Variants in LIPN observed in about 807,000 individuals in gnomAD.
LIPN encodes lipase family member N, also known as lipase member N.
LIPN carries 32 observed loss-of-function variants against 43.7 expected under a neutral mutation model. The ratio of observed to expected loss-of-function variants is 0.73; its 90% CI spans 0.55 to 0.98. The LOEUF is 0.98. LIPN is among the 50% of genes least tolerant of loss of function. The pLI, the probability that LIPN is intolerant of heterozygous loss-of-function variation, is 0.00. For synonymous variants in LIPN, 156 were observed against 157.6 expected (o/e 0.99, Z 0.08); for missense variants, 505 against 483.8 (o/e 1.04, Z -0.41).
chr10:88,768,055 CACACACAT>C (rs765422535), intron 5 of LIPN, among the ~76,000 whole-genome samples: 2,467 of 144,252 alleles, frequency 0.017, 32 homozygotes, highest in South Asian at 0.072. Flanking sequence ...CACACACACA[CACACACAT>C]GCCAGTGGAG....
At chr10:88,776,572 A>T (rs573291651) in intron 9 of LIPN, among the ~76,000 whole-genome samples, 1 of 152,208 alleles carries the variant, frequency 6.6e-6, no homozygotes, top group South Asian at 2.1e-4. Context: ...TCTCCAAAAA[A>T]CTAGTCTCAA....
At chr10:88,764,714 C>A in intron 4 of LIPN, 106 bp downstream of exon 4, 2 of 737,606 alleles carry the variant, frequency 2.7e-6, no homozygotes, top group East Asian at 2.9e-5. Flanking sequence ...CATATAGCTC[C>A]TTGTAGTTTC....
intron 5 of LIPN, among the ~76,000 whole-genome samples, chr10:88,767,287 A>G (rs373450987): frequency 4.6e-5 from 7 of 152,002 alleles, no homozygotes; most frequent in South Asian, 4.1e-4. Flanking sequence ...ACAGGCAGTT[A>G]GCATCAGTCA....
At chr10:88,759,310 C>T (rs1842964414), upstream of LIPN, among the ~76,000 whole-genome samples, 1 of 152,126 alleles carries the variant, frequency 6.6e-6, no homozygotes, top group Non-Finnish European at 1.5e-5. Flanking sequence ...CTTCTTCATG[C>T]TGGGAGATGA....
Position 88,778,273 on chromosome 10 carries a change from T to A in LIPN, c.*31T>A, listed in dbSNP as rs771130535. The A allele has an allele frequency of 6.6e-7, 1 of 1,518,930 alleles. No individual in the cohort carries two copies. 94.1% of individuals were successfully genotyped at this position (1,518,930 alleles called of 1,614,324 possible). A position where few individuals can be genotyped will look rare whatever the true frequency, so the allele number is the denominator to read the frequency against. On this transcript the variant is annotated 3_prime_UTR_variant, in exon 10 of 10. Coordinates refer to ENST00000404459, the MANE Select transcript of LIPN (RefSeq NM_001102469.2). The stretch of plus-strand genomic sequence containing the variant: ...ATGCATTTACTTTTCAATTAAAAGT[T>A]GCTTCCAAGCCCATAAGGGACTTTA...
intron 7 of LIPN, among the ~76,000 whole-genome samples, chr10:88,773,772 T>C (rs1227898090): frequency 6.6e-6 from 1 of 151,992 alleles, no homozygotes; most frequent in African/African-American, 2.4e-5. Context: ...GAACCATTGT[T>C]CAAAGTTGGC....
intron 7 of LIPN, among the ~76,000 whole-genome samples, chr10:88,774,130 G>C (rs777372218): frequency 6.6e-5 from 10 of 151,982 alleles, no homozygotes; most frequent in Non-Finnish European, 1.3e-4. Flanking sequence ...CAGTGCACCT[G>C]GGTGCGCATG....
At chr10:88,777,584 A>T (rs1325067135) in intron 9 of LIPN, among the ~76,000 whole-genome samples, 1 of 151,456 alleles carries the variant, frequency 6.6e-6, no homozygotes, top group Non-Finnish European at 1.5e-5. Context: ...ATATCCTATC[A>T]TATTCCTTTA....
upstream of LIPN, among the ~76,000 whole-genome samples, chr10:88,759,858 T>C (rs540821950): frequency 2.0e-5 from 3 of 152,250 alleles, no homozygotes; most frequent in South Asian, 6.2e-4. Flanking sequence ...CTGGTTATTT[T>C]GCATCATGTA....
Position 88,775,155 on chromosome 10 carries a change from T to C in LIPN, c.955T>C (p.Tyr319His). 6.5e-7 allele frequency: 1 copy of C among 1,541,664 alleles called. No individual in the cohort carries two copies. Among genetic ancestry groups the C allele is most frequent in the Non-Finnish European group, 8.8e-7 (1 of 1,139,538 alleles). Reference sequence around the variant, plus strand: ...AAATGACGCTGATAATATGAAACATTACAATCAGGTGAGCTATTTACAGTA... The same window carrying C: ...AAATGACGCTGATAATATGAAACATCACAATCAGGTGAGCTATTTACAGTA... ...WGNDADNMKH[Y>H]NQSHPPIYDL... Residue 319 changes from tyrosine to histidine, a missense_variant, in exon 9 of 10, where the codon TAC becomes CAC. Physicochemically the swap from Tyr to His is moderately conservative, Grantham distance 83 (BLOSUM62 2). Coordinates refer to ENST00000404459, the MANE Select transcript of LIPN (RefSeq NM_001102469.2).
At chr10:88,771,779 A>G (rs975214525) in intron 7 of LIPN, among the ~76,000 whole-genome samples, 2 of 151,522 alleles carry the variant, frequency 1.3e-5, no homozygotes, top group African/African-American at 2.4e-5. Context: ...TAGCACTGGA[A>G]TTGCTGGATC....
chr10:88,758,509 CAT>C (rs1399985122), upstream of LIPN, among the ~76,000 whole-genome samples: 1 of 148,678 alleles, frequency 6.7e-6, no homozygotes, highest in Non-Finnish European at 1.5e-5. Context: ...AATATTGTAA[CAT>C]TATATATTTT....
chr10:88,778,233 A>G lies in LIPN; in HGVS notation c.1188A>G (p.Ala396=). The change falls in exon 10 of 10, where the codon GCA becomes GCG. Residue 396 remains alanine, a synonymous_variant. Coordinates refer to ENST00000404459, the MANE Select transcript of LIPN (RefSeq NM_001102469.2). ...GTGAAATCATAGCTTTAATGAAGGCATATTCCTAAATGCAATGCATTTACT... is the reference window on the plus strand; with the variant it reads ...GTGAAATCATAGCTTTAATGAAGGCGTATTCCTAAATGCAATGCATTTACT... ...MYSEIIALMK[A]YS 3.1e-6 allele frequency: 5 copies of G among 1,603,304 alleles called. No individual in the cohort carries two copies. The highest frequency in any genetic ancestry group is 4.3e-6 in the Non-Finnish European group (5 of 1,173,784).
At chr10:88,770,060 T>A (rs866345652) in intron 6 of LIPN, among the ~76,000 whole-genome samples, 6 of 151,844 alleles carry the variant, frequency 4.0e-5, no homozygotes, top group African/African-American at 4.8e-5. Flanking sequence ...TGTTCCTGGG[T>A]TATCTCAGTT....
Position 88,778,267 on chromosome 10 carries a change from A to T in LIPN, c.*25A>T, listed in dbSNP as rs1843330360. 1 of 1,544,672 alleles carries T rather than the reference A, an allele frequency of 6.5e-7. No homozygotes were observed. The highest frequency in any genetic ancestry group is 1.4e-5 in the African/African-American group (1 of 73,342). On this transcript the variant is annotated 3_prime_UTR_variant, in exon 10 of 10. Coordinates refer to ENST00000404459, the MANE Select transcript of LIPN (RefSeq NM_001102469.2). ...AATGCAATGCATTTACTTTTCAATT[A>T]AAAGTTGCTTCCAAGCCCATAAGGG...
At chr10:88,772,539 C>A (rs937761175) in intron 7 of LIPN, among the ~76,000 whole-genome samples, 2 of 151,720 alleles carry the variant, frequency 1.3e-5, no homozygotes, top group African/African-American at 4.8e-5. Context: ...GTTCTTGATG[C>A]CTTTGTTGAA....
chr10:88,774,955 T>G, intron 8 of LIPN, 137 bp from the exon 9 acceptor site: 1 of 610,922 alleles, frequency 1.6e-6, no homozygotes, highest in Non-Finnish European at 2.9e-6. Context: ...GTCATAATTG[T>G]AAAATGGGTG....
chr10:88,775,673 A>C (rs1235759655), intron 9 of LIPN, among the ~76,000 whole-genome samples: 1 of 152,080 alleles, frequency 6.6e-6, no homozygotes, highest in Non-Finnish European at 1.5e-5. Flanking sequence ...GTCGTAAGGC[A>C]TCTTTCTCCA....
intron 1 of LIPN, among the ~76,000 whole-genome samples, chr10:88,760,891 C>G (rs375843): frequency 6.6e-6 from 1 of 151,948 alleles, no homozygotes; most frequent in African/African-American, 2.4e-5. Context: ...CATTGAAATA[C>G]GCAAAATTTG....
Sources: allele counts gnomAD v4.1 joint callset (sites outside exome capture counted in the v4.1 genomes callset), GRCh38; gene constraint gnomAD v4.1.1; transcripts MANE v1.5; gene names NCBI Gene and HGNC (gene_info 2026-07-23, HGNC 2026-07-21).